Variants in TMC1 observed in about 807,000 individuals in gnomAD.
The protein encoded by TMC1 is transmembrane channel like 1.
TMC1 carries 84 observed loss-of-function variants against 105.8 expected under a neutral mutation model. That is an observed-to-expected ratio of 0.79 (90% confidence interval 0.67 to 0.95). The LOEUF (loss-of-function observed/expected upper bound fraction) is 0.95. Among genes scored for constraint, TMC1 ranks in the 40% least tolerant of loss-of-function variants. TMC1 has a pLI of 0.00. For synonymous variants in TMC1, 315 were observed against 311.5 expected, an observed-to-expected ratio of 1.01 and a Z score of -0.12; for missense variants, 817 against 914.1, an observed-to-expected ratio of 0.89 and a Z score of 1.37.
chr9:72,661,120 C>G (rs1480528489), intron 5 of TMC1, among the ~76,000 whole-genome samples: 1 of 152,038 alleles, frequency 6.6e-6, no homozygotes, highest in Admixed American at 6.6e-5. Flanking sequence ...CCACCGCACT[C>G]CAGCCTGGGT....
chr9:72,800,911 G>A (rs902130953), intron 17 of TMC1, among the ~76,000 whole-genome samples: 1 of 152,152 alleles, frequency 6.6e-6, no homozygotes, highest in South Asian at 2.1e-4. Context: ...TGGCCTTTAA[G>A]AGATCAATAT....
At chr9:72,537,967 G>A (rs1404303017) in intron 1 of TMC1, among the ~76,000 whole-genome samples, 1 of 152,004 alleles carries the variant, frequency 6.6e-6, no homozygotes, top group East Asian at 1.9e-4. Context: ...ATCAGCCTGG[G>A]CAACATGATG....
intron 1 of TMC1, among the ~76,000 whole-genome samples, chr9:72,545,612 C>T (rs1304991517): frequency 2.6e-5 from 4 of 152,112 alleles, no homozygotes; most frequent in Admixed American, 6.5e-5. Context: ...CTCAGCCTCC[C>T]GAGTAGCTGG....
chr9:72,523,611 T>C (rs1287984656), intron 1 of TMC1, among the ~76,000 whole-genome samples: 1 of 151,398 alleles, frequency 6.6e-6, no homozygotes, highest in Non-Finnish European at 1.5e-5. Context: ...CATCTTCAAG[T>C]TGAATAGGCT....
chr9:72,685,111 T>C (rs966341240), intron 5 of TMC1, among the ~76,000 whole-genome samples: 32 of 142,306 alleles, frequency 2.2e-4, no homozygotes, highest in Non-Finnish European at 4.0e-4. Flanking sequence ...TTTTTTTTTT[T>C]TTTTTTTTTT....
intron 7 of TMC1, among the ~76,000 whole-genome samples, chr9:72,697,097 C>G (rs967068986): frequency 6.6e-6 from 1 of 152,064 alleles, no homozygotes; most frequent in African/African-American, 2.4e-5. Flanking sequence ...AAAAGATATA[C>G]CAATCTGGGG....
rs11143374 is a variant in TMC1 at position 72,692,841 on chromosome 9, G to A, written c.65-1702G>A. On this transcript the variant is annotated intron_variant, in intron 6 of 23. Coordinates refer to ENST00000297784, the MANE Select transcript of TMC1 (RefSeq NM_138691.3). ...CCAGTTAGAAAAGTTATTATGGGCC[G>A]GGTGCGATACCTCACACCTGTAATC... Among the ~76,000 whole-genome samples, 56 of 152,152 alleles carry A rather than the reference G, an allele frequency of 3.7e-4. 1 individual carries two copies. The East Asian group carries it at 0.01, about 28-fold the overall frequency.
intron 15 of TMC1, among the ~76,000 whole-genome samples, chr9:72,790,757 G>T (rs562068505): frequency 6.6e-6 from 1 of 152,158 alleles, no homozygotes; most frequent in South Asian, 2.1e-4. Context: ...AATTTGCCTT[G>T]CATAAGTTTG....
rs1020496574 is a variant in TMC1 at position 72,805,661 on chromosome 9, C to G, written c.1695+151C>G. 5 of 697,200 alleles carry G rather than the reference C, an allele frequency of 7.2e-6. No homozygotes were observed. The African/African-American group carries it at 9.3e-5, about 13-fold the overall frequency. The allele number at this position is 697,200 out of a possible 1,614,324, so 43.2% of individuals were successfully genotyped here. A position where few individuals can be genotyped will look rare whatever the true frequency, so the allele number is the denominator to read the frequency against. On this transcript the variant is annotated intron_variant, in intron 18 of 23. Transcript: ENST00000297784. ...AGCAGATAAACAAGTGAACAAAGGT[C>G]TCTGGTTTTCCTAGGCAGAGGACCC... is the stretch of plus-strand genomic sequence containing the variant.
intron 1 of TMC1, among the ~76,000 whole-genome samples, chr9:72,546,224 C>T (rs571503421): frequency 4.6e-5 from 7 of 151,970 alleles, no homozygotes; most frequent in East Asian, 1.9e-4. Flanking sequence ...ATGCAGAAGG[C>T]GGAGGTTGCA....
intron 12 of TMC1, among the ~76,000 whole-genome samples, chr9:72,761,574 T>C (rs1340172670): frequency 6.6e-6 from 1 of 152,168 alleles, no homozygotes; most frequent in African/African-American, 2.4e-5. Context: ...GTTAAGTAGG[T>C]ACATACATTA....
chr9:72,696,371 T>G (rs1382175859), intron 7 of TMC1, among the ~76,000 whole-genome samples: 1 of 152,244 alleles, frequency 6.6e-6, no homozygotes, highest in African/African-American at 2.4e-5. Context: ...GTATTTTTGC[T>G]GCGACAATTT....
chr9:72,545,444 G>A (rs1242534854), intron 1 of TMC1, among the ~76,000 whole-genome samples: 1 of 152,022 alleles, frequency 6.6e-6, no homozygotes, highest in African/African-American at 2.4e-5. Context: ...CATTAAAACT[G>A]ATCTTTTTAA....
Position 72,768,544 on chromosome 9 carries a change from T to C in TMC1, c.742-3869T>C, listed in dbSNP as rs190847675. 1.3e-3 allele frequency among the ~76,000 whole-genome samples: 201 copies of C among 152,310 alleles called. 1 individual carries two copies. Among genetic ancestry groups the C allele is most frequent in the African/African-American group, 4.6e-3 (192 of 41,570 alleles). ...ACATTCATTTATAGATTTGACTTCA[T>C]ATATATCAAATAGGCAAACTGCAGA... On this transcript the variant is annotated intron_variant, in intron 12 of 23. Transcript: ENST00000297784.
At chr9:72,615,476 A>G (rs1262169073) in intron 2 of TMC1, among the ~76,000 whole-genome samples, 1 of 152,196 alleles carries the variant, frequency 6.6e-6, no homozygotes, top group Non-Finnish European at 1.5e-5. Context: ...ATTGGATCTT[A>G]AAAACCCAGG....
At chr9:72,555,523 G>C (rs1823915919) in intron 1 of TMC1, among the ~76,000 whole-genome samples, 1 of 151,904 alleles carries the variant, frequency 6.6e-6, no homozygotes. Context: ...TATCTCATTT[G>C]TTTTCACCAC....
chr9:72,790,342 G>A lies in TMC1; in HGVS notation c.1224+1025G>A, dbSNP rs570255040. ...TAACATTCTGAGTATTTCAGAAGTG[G>A]TACCAATAGAGACGGGACTAGATAT... On this transcript the variant is annotated intron_variant, in intron 15 of 23. Transcript: ENST00000297784. Among the ~76,000 whole-genome samples the A allele has an allele frequency of 7.2e-5, 11 of 152,176 alleles. No homozygotes were observed. In the East Asian group the frequency reaches 1.7e-3, roughly 24 times the overall value.
At chr9:72,805,958 A>G (rs1004678112) in intron 18 of TMC1, among the ~76,000 whole-genome samples, 1 of 152,090 alleles carries the variant, frequency 6.6e-6, no homozygotes, top group Non-Finnish European at 1.5e-5. Context: ...CTACACAGAC[A>G]CGGCAACCAT....
intron 1 of TMC1, among the ~76,000 whole-genome samples, chr9:72,546,032 C>T (rs1409731483): frequency 6.6e-6 from 1 of 151,564 alleles, no homozygotes; most frequent in African/African-American, 2.4e-5. Flanking sequence ...ACTGTAATCC[C>T]ACCACTTTGG....
Sources: gnomAD v4.1 joint callset for allele counts (sites outside exome capture counted in the v4.1 genomes callset) on GRCh38, gnomAD v4.1.1 for gene constraint, MANE v1.5 for transcripts, NCBI Gene and HGNC (gene_info 2026-07-23, HGNC 2026-07-21) for gene names.